RBM47: variants seen among roughly 807,000 people sequenced by gnomAD.
RBM47 encodes the protein RNA binding motif protein 47, also known as RNA-binding protein 47.
Under a neutral mutation model 47.1 loss-of-function variants are expected in RBM47, and 21 were observed. That is an observed-to-expected ratio of 0.45 (90% CI 0.32 to 0.64). RBM47 has a LOEUF of 0.64. Ranked by LOEUF, RBM47 falls within the 30% of genes least tolerant of loss-of-function variation. The probability of loss-of-function intolerance (pLI) is 0.05; values close to 1 mark genes in which losing one functional copy is unlikely to be tolerated. For missense variants in RBM47, 708 were observed against 870.9 expected (o/e 0.81, Z 2.35); for synonymous variants, 375 against 361.7 (o/e 1.04, Z -0.42).
chr4:40,512,827 C>T (rs2154253987), intron 2 of RBM47, among the ~76,000 whole-genome samples: 1 of 152,112 alleles, frequency 6.6e-6, no homozygotes, highest in Admixed American at 6.6e-5. Flanking sequence ...ATTTTGGATT[C>T]ACATGGTATG....
At chr4:40,431,337 AATG>A (rs1200840356) in intron 6 of RBM47, among the ~76,000 whole-genome samples, 1 of 152,140 alleles carries the variant, frequency 6.6e-6, no homozygotes, top group African/African-American at 2.4e-5. Flanking sequence ...TAGGCCAAGT[AATG>A]ATGTAGTAAT....
At chr4:40,583,738 G>C (rs1196721379) in intron 1 of RBM47, among the ~76,000 whole-genome samples, 1 of 151,236 alleles carries the variant, frequency 6.6e-6, no homozygotes, top group African/African-American at 2.4e-5. Flanking sequence ...GGCGCCTGTA[G>C]TCCCAGCTAC....
chr4:40,609,565 A>G (rs540984327), intron 1 of RBM47, among the ~76,000 whole-genome samples: 6 of 151,802 alleles, frequency 4.0e-5, no homozygotes, highest in Non-Finnish European at 8.8e-5. Context: ...TGCCCGACTC[A>G]GCCTCCCAAA....
At chr4:40,558,368 T>C (rs1730289372) in intron 1 of RBM47, among the ~76,000 whole-genome samples, 1 of 152,052 alleles carries the variant, frequency 6.6e-6, no homozygotes, top group African/African-American at 2.4e-5. Flanking sequence ...ATTTATTGAA[T>C]GAGTAAATGT....
intron 1 of RBM47, among the ~76,000 whole-genome samples, chr4:40,606,887 G>A (rs1226340458): frequency 6.6e-6 from 1 of 152,120 alleles, no homozygotes; most frequent in Non-Finnish European, 1.5e-5. Context: ...AGAGGCTGAG[G>A]TGGGAGGATC....
chr4:40,543,739 G>A (rs527608989), intron 2 of RBM47: 19 of 152,282 alleles, frequency 1.2e-4, no homozygotes, highest in African/African-American at 3.6e-4. Flanking sequence ...AGAGGTTGCA[G>A]TGAGCCGAGA....
chr4:40,558,524 C>CAAAAAAAAA (rs1198741417), intron 1 of RBM47, among the ~76,000 whole-genome samples: 1 of 92,646 alleles, frequency 1.1e-5, no homozygotes. Context: ...ATTAAAACTA[C>CAAAAAAAAA]AAAAAAAAAA....
chr4:40,621,255 TC>T (rs1737240330), intron 1 of RBM47, among the ~76,000 whole-genome samples: 1 of 152,070 alleles, frequency 6.6e-6, no homozygotes, highest in South Asian at 2.1e-4. Context: ...GAATTATGGA[TC>T]TAAACAAGGC....
chr4:40,575,488 G>A (rs988017030), intron 1 of RBM47, among the ~76,000 whole-genome samples: 2 of 145,924 alleles, frequency 1.4e-5, no homozygotes, highest in Non-Finnish European at 3.0e-5. Flanking sequence ...GGAGGCAGCG[G>A]TTGCGGTGAG....
chr4:40,512,460 A>G (rs964764598), intron 2 of RBM47, among the ~76,000 whole-genome samples: 2 of 150,262 alleles, frequency 1.3e-5, no homozygotes, highest in African/African-American at 4.9e-5. Context: ...TTACGCCTGT[A>G]ATCCCAGCAC....
At position 40,446,738 on chromosome 4, in the gene RBM47, CAAAAAAAAAAA is replaced by C. The variant is rs34186378; in HGVS notation, c.-31-7825_-31-7815del. On this transcript the variant is annotated intron_variant, in intron 3 of 6. Transcript: ENST00000295971. ...TAGGTGACAGAGCAAGACCCAGTCTCAAAAAAAAAAAAAAAAAAAAAAGGAAAAAAGACAAT... is the reference window on the plus strand; with the variant it reads ...TAGGTGACAGAGCAAGACCCAGTCTCAAAAAAAAAAAGGAAAAAAGACAAT... Among the ~76,000 whole-genome samples the C allele has an allele frequency of 3.9e-5, 3 of 76,312 alleles. No individual in the cohort carries two copies. In the Admixed American group the frequency reaches 5.0e-4, roughly 13 times the overall value. The allele number at this position is 76,312 out of a possible 152,430, so 50.1% of individuals were successfully genotyped here.
At chr4:40,621,431 C>A (rs556681702) in intron 1 of RBM47, among the ~76,000 whole-genome samples, 1 of 152,222 alleles carries the variant, frequency 6.6e-6, no homozygotes, top group Admixed American at 6.5e-5. Flanking sequence ...AGTATTTGTA[C>A]AAAGGTTCTG....
intron 3 of RBM47, among the ~76,000 whole-genome samples, chr4:40,442,783 T>C (rs1713857043): frequency 6.6e-6 from 1 of 152,046 alleles, no homozygotes; most frequent in African/African-American, 2.4e-5. Flanking sequence ...GTTCAAACAA[T>C]TCACCTCAGC....
intron 3 of RBM47, among the ~76,000 whole-genome samples, chr4:40,458,099 A>T (rs1362387729): frequency 6.6e-6 from 1 of 152,260 alleles, no homozygotes; most frequent in Non-Finnish European, 1.5e-5. Context: ...AGTAGTAGTT[A>T]TATAGTAACA....
At chr4:40,554,762 C>T (rs771687846) in intron 1 of RBM47, among the ~76,000 whole-genome samples, 4 of 150,080 alleles carry the variant, frequency 2.7e-5, no homozygotes, top group Non-Finnish European at 5.9e-5. Context: ...CTTTCTTTCC[C>T]TCCCTCCCTC....
intron 1 of RBM47, among the ~76,000 whole-genome samples, chr4:40,622,661 C>T (rs1396932656): frequency 6.6e-6 from 1 of 152,142 alleles, no homozygotes; most frequent in East Asian, 1.9e-4. Context: ...GTAGGCAGCT[C>T]GCTTGAGGCC....
In RBM47 at chr4:40,470,770, T is replaced by C. The variant is rs536382392; in HGVS notation, c.-154-4071A>G. On this transcript the variant is annotated intron_variant, in intron 2 of 6. Transcript: ENST00000295971. ...TTCTTTATTTTTTTAAGAGGCAGAG[T>C]CTCGCTCTGTTGCCTAGGCTGGAGT... Among the ~76,000 whole-genome samples the C allele has an allele frequency of 7.2e-5, 11 of 152,168 alleles. No individual in the cohort carries two copies. The East Asian group carries it at 2.1e-3, about 29-fold the overall frequency.
chr4:40,569,008 TAGATAGATAGACAGACAGACAGAC>T (rs1238554958), intron 1 of RBM47, among the ~76,000 whole-genome samples: 5 of 135,202 alleles, frequency 3.7e-5, no homozygotes, highest in African/African-American at 1.5e-4. Flanking sequence ...GATAGATAGA[TAGATAGATAGACAGACAGACAGAC>T]AGACAGACAG....
chr4:40,479,621 T>A (rs991517757), intron 2 of RBM47, among the ~76,000 whole-genome samples: 6 of 144,088 alleles, frequency 4.2e-5, no homozygotes, highest in African/African-American at 7.4e-5. Context: ...TAAATAAATA[T>A]ATAAATATAA....
Sources: gnomAD v4.1 joint callset for allele counts (sites outside exome capture counted in the v4.1 genomes callset) on GRCh38, gnomAD v4.1.1 for gene constraint, MANE v1.5 for transcripts, NCBI Gene and HGNC (gene_info 2026-07-23, HGNC 2026-07-21) for gene names.